The following NXPE4 variants were observed in gnomAD, a reference collection of about 807,000 sequenced individuals.
The protein encoded by NXPE4 is NXPE family member 4.
A neutral mutation model predicts 33.3 loss-of-function variants in NXPE4; 42 were observed. That is an observed-to-expected ratio of 1.26 (90% confidence interval 0.98 to 1.63). The LOEUF is 1.63. Among genes scored for constraint, NXPE4 ranks in the 40% most tolerant of loss-of-function variants. The pLI is 0.00. For missense variants in NXPE4, 709 were observed against 647.6 expected (o/e 1.09, Z -1.03); for synonymous variants, 253 against 234.9 (o/e 1.08, Z -0.71).
At position 114,582,435 on chromosome 11, in the gene NXPE4, T is replaced by C. The variant is rs545121703; in HGVS notation, c.683A>G (p.Glu228Gly). The C allele has an allele frequency of 5.0e-6, 8 of 1,614,190 alleles. No individual in the cohort carries two copies. The African/African-American group carries it at 8.0e-5, about 16-fold the overall frequency. Residue 228 changes from glutamate (E) to glycine (G), a missense_variant, in exon 3 of 6, where the codon GAA (glutamate) becomes GGA (glycine). Transcript: ENST00000375478. ...TCTGTTGTCCAGGTACTGGCACAATTCAGCATTTGTGTTTAGGATCAGGCC... is the reference window on the plus strand; with the variant it reads ...TCTGTTGTCCAGGTACTGGCACAATCCAGCATTTGTGTTTAGGATCAGGCC... ...ECGLILNTNA[E>G]LCQYLDNRDQ...
the NXPE4 span, among the ~76,000 whole-genome samples, chr11:114,620,266 ACGGTTACC>A: frequency 6.6e-6 from 1 of 152,030 alleles, no homozygotes; most frequent in Admixed American, 6.6e-5. Context: ...GTGGGTAACT[ACGGTTACC>A]CGGTGGATAA....
the NXPE4 span, among the ~76,000 whole-genome samples, chr11:114,628,769 A>C: frequency 1.3e-5 from 2 of 151,938 alleles, no homozygotes; most frequent in African/African-American, 4.8e-5. Context: ...ATTGATAGAA[A>C]GCTAGCAAGA....
chr11:114,601,687 T>TAA, the NXPE4 span, among the ~76,000 whole-genome samples: 9 of 33,582 alleles, frequency 2.7e-4, no homozygotes, highest in African/African-American at 1.4e-3. Context: ...TTATAGATTA[T>TAA]ATATATTTAT....
At chr11:114,614,070 G>A in the NXPE4 span, among the ~76,000 whole-genome samples, 1 of 151,136 alleles carries the variant, frequency 6.6e-6, no homozygotes, top group Admixed American at 6.6e-5. Context: ...GTCGCCTCAT[G>A]CATAACCACT....
At chr11:114,624,494 C>T in the NXPE4 span, among the ~76,000 whole-genome samples, 1 of 152,108 alleles carries the variant, frequency 6.6e-6, no homozygotes, top group Non-Finnish European at 1.5e-5. Flanking sequence ...CATGGGTAAG[C>T]CCTGTTGCCC....
At chr11:114,645,309 A>G in the NXPE4 span, among the ~76,000 whole-genome samples, 2 of 152,194 alleles carry the variant, frequency 1.3e-5, no homozygotes, top group Non-Finnish European at 2.9e-5. Context: ...TCGAAAATAA[A>G]TAAGTAAAAA....
the NXPE4 span, among the ~76,000 whole-genome samples, chr11:114,665,814 A>G: frequency 1.3e-5 from 2 of 152,188 alleles, no homozygotes; most frequent in Non-Finnish European, 2.9e-5. Flanking sequence ...CCTTCCTATC[A>G]CATTACTGTA....
chr11:114,605,862 G>A, the NXPE4 span, among the ~76,000 whole-genome samples: 1 of 151,372 alleles, frequency 6.6e-6, no homozygotes, highest in Non-Finnish European at 1.5e-5. Context: ...CTGTTACCTG[G>A]TGGATAATAA....
the NXPE4 span, among the ~76,000 whole-genome samples, chr11:114,637,236 T>C: frequency 1.3e-5 from 2 of 151,850 alleles, no homozygotes; most frequent in South Asian, 4.2e-4. Flanking sequence ...TTTGTCTCTT[T>C]TGATCTTTGT....
the NXPE4 span, among the ~76,000 whole-genome samples, chr11:114,662,547 TTC>T: frequency 6.6e-6 from 1 of 152,088 alleles, no homozygotes; most frequent in South Asian, 2.1e-4. Context: ...GCACACAACT[TTC>T]TGAGACACCA....
At chr11:114,627,752 A>G in the NXPE4 span, among the ~76,000 whole-genome samples, 12,842 of 152,214 alleles carry the variant, frequency 0.084, 652 homozygotes, top group Middle Eastern at 0.2. Context: ...AAGACCCATC[A>G]GTGTGCTGTA....
At chr11:114,609,289 C>T in the NXPE4 span, among the ~76,000 whole-genome samples, 55 of 150,834 alleles carry the variant, frequency 3.6e-4, 1 homozygote, top group Non-Finnish European at 4.3e-4. Context: ...CACTGTTACC[C>T]GGTGGATAAT....
chr11:114,670,673 C>T, the NXPE4 span, among the ~76,000 whole-genome samples: 1 of 151,940 alleles, frequency 6.6e-6, no homozygotes, highest in Admixed American at 6.6e-5. Flanking sequence ...GCCTGGGCAA[C>T]AGAGTGAGAC....
chr11:114,586,736 A>G (rs892209278), intron 2 of NXPE4, among the ~76,000 whole-genome samples: 26 of 152,178 alleles, frequency 1.7e-4, no homozygotes, highest in Admixed American at 1.6e-3. Context: ...CTGATGGGTG[A>G]TGGCAACAGG....
At chr11:114,658,772 C>G in the NXPE4 span, among the ~76,000 whole-genome samples, 13,428 of 152,198 alleles carry the variant, frequency 0.088, 740 homozygotes, top group Middle Eastern at 0.2. Flanking sequence ...AGGACAGGAT[C>G]ACTGAGAAGG....
the NXPE4 span, among the ~76,000 whole-genome samples, chr11:114,645,497 A>G: frequency 1.1e-4 from 16 of 152,148 alleles, no homozygotes; most frequent in Non-Finnish European, 1.6e-4. Flanking sequence ...ACCAAAAACA[A>G]AAACATAAAT....
At chr11:114,661,810 A>G in the NXPE4 span, among the ~76,000 whole-genome samples, 1 of 152,246 alleles carries the variant, frequency 6.6e-6, no homozygotes. Context: ...GTATGGTGTC[A>G]GTGAAAAGAT....
Position 114,580,340 on chromosome 11 carries a change from T to C in NXPE4, c.893-2A>G. 6.2e-7 allele frequency: 1 copy of C among 1,613,334 alleles called. No individual in the cohort carries two copies. Among genetic ancestry groups the C allele is most frequent in the Non-Finnish European group, 8.5e-7 (1 of 1,179,446 alleles). Reference sequence around the variant, plus strand: ...TCTCTTTCATTGCAACTGTTTCTTCTGCCAAAGAATCAATGAGATAGGATC... The same window carrying C: ...TCTCTTTCATTGCAACTGTTTCTTCCGCCAAAGAATCAATGAGATAGGATC... On this transcript the variant is annotated splice_acceptor_variant, in intron 4 of 5. Transcript: ENST00000375478. LOFTEE classifies it high-confidence loss of function.
chr11:114,612,781 C>A, the NXPE4 span, among the ~76,000 whole-genome samples: 1 of 151,956 alleles, frequency 6.6e-6, no homozygotes, highest in South Asian at 2.1e-4. Context: ...ACCACTGTTA[C>A]CTGGTGGATA....
Sources: gnomAD v4.1 joint callset for allele counts (sites outside exome capture counted in the v4.1 genomes callset) on GRCh38, gnomAD v4.1.1 for gene constraint, MANE v1.5 for transcripts, NCBI Gene and HGNC (gene_info 2026-07-23, HGNC 2026-07-21) for gene names.